Variants in MAEL observed in about 807,000 individuals in gnomAD.
MAEL encodes the protein maelstrom spermatogenic transposon silencer.
In MAEL, 46 loss-of-function variants were observed where a neutral mutation model predicts 62.0. The ratio of observed to expected loss-of-function variants is 0.74; its 90% confidence interval spans 0.59 to 0.95. The LOEUF (loss-of-function observed/expected upper bound fraction) is 0.95. Ranked by LOEUF, MAEL falls within the 40% of genes least tolerant of loss-of-function variation. The probability of loss-of-function intolerance (pLI) is 0.00; values close to 1 mark genes in which losing one functional copy is unlikely to be tolerated. For missense variants in MAEL, 497 were observed against 526.8 expected, an observed-to-expected ratio of 0.94 and a Z score of 0.55; for synonymous variants, 172 against 175.5, an observed-to-expected ratio of 0.98 and a Z score of 0.16.
rs140882018 is a variant in MAEL, at chr1:166,994,731, G to A, written c.523+662G>A. 6.3e-3 allele frequency among the ~76,000 whole-genome samples: 936 copies of A among 147,898 alleles called. 12 individuals carry two copies. The highest frequency in any genetic ancestry group is 0.022 in the African/African-American group (889 of 39,880). ...TGTCACCAGGCTGGAGTGGAGGGGC[G>A]TGATCTTGGCTCACTGCAATCTCTG... is the stretch of plus-strand genomic sequence containing the variant. On this transcript the variant is annotated intron_variant, in intron 5 of 11. Transcript: ENST00000367872.
chr1:167,006,580 T>C (rs1413685241), intron 8 of MAEL, among the ~76,000 whole-genome samples: 2 of 142,044 alleles, frequency 1.4e-5, no homozygotes, highest in Admixed American at 1.4e-4. Flanking sequence ...ATTTCTCTAT[T>C]GGAAAGTTAC....
upstream of MAEL, among the ~76,000 whole-genome samples, chr1:166,988,556 T>C (rs1664005505): frequency 6.6e-6 from 1 of 152,004 alleles, no homozygotes; most frequent in African/African-American, 2.4e-5. Flanking sequence ...ACTAGCACGA[T>C]GTAAACTAGT....
At chr1:167,017,770 ATACTTT>A (rs1665456088) in intron 9 of MAEL, 51 bp from the exon 10 acceptor site, 1 of 1,498,874 alleles carries the variant, frequency 6.7e-7, no homozygotes, top group Non-Finnish European at 9.1e-7. Context: ...TAAAATACAA[ATACTTT>A]TAGTTGAATT....
Position 167,021,679 on chromosome 1 carries a change from T to A in MAEL, c.1129T>A (p.Ser377Thr). 6.2e-7 allele frequency: 1 copy of A among 1,605,284 alleles called. No individual in the cohort carries two copies. The change falls in exon 12 of 12, where the codon TCT becomes ACT. Residue 377 changes from serine (S) to threonine (T), a missense_variant. Coordinates refer to ENST00000367872, the MANE Select transcript of MAEL (RefSeq NM_032858.3). ...TTTCAATATCCTAGGTGACTACCCA[T>A]CTAGGGCAAAAATTTCTGGCCAAAA... ...RSNTPIGDYP[S>T]RAKISGQNSS...
intron 9 of MAEL, 121 bp downstream of exon 9, chr1:167,016,405 CAAAG>C: frequency 1.2e-6 from 1 of 823,800 alleles, no homozygotes; most frequent in Non-Finnish European, 2.0e-6. Context: ...TCTTTCAAAA[CAAAG>C]GGGGTCAAAT....
intron 5 of MAEL, among the ~76,000 whole-genome samples, chr1:166,994,408 T>C (rs1021444852): frequency 5.9e-5 from 9 of 152,188 alleles, no homozygotes; most frequent in African/African-American, 9.7e-5. Flanking sequence ...CCATTTCAAT[T>C]GTGTTTTATA....
At chr1:166,990,542 C>G (rs2102068821) in intron 2 of MAEL, 1 of 152,108 alleles carries the variant, frequency 6.6e-6, no homozygotes, top group South Asian at 2.1e-4. Flanking sequence ...GCCCGTGGTC[C>G]CAGCTACTCA....
At chr1:166,981,869 A>G (rs1663769231) in intron 1 of MAEL, among the ~76,000 whole-genome samples, 1 of 152,218 alleles carries the variant, frequency 6.6e-6, no homozygotes, top group South Asian at 2.1e-4. Context: ...CCGGCAATGT[A>G]CCATCCATGA....
chr1:166,981,232 G>A (rs1663750482), intron 1 of MAEL, among the ~76,000 whole-genome samples: 1 of 152,152 alleles, frequency 6.6e-6, no homozygotes, highest in South Asian at 2.1e-4. Flanking sequence ...ATTCTGAGTA[G>A]GTGCCTTTTA....
At chr1:167,007,358 A>G (rs574366341) in intron 8 of MAEL, among the ~76,000 whole-genome samples, 31 of 151,934 alleles carry the variant, frequency 2.0e-4, no homozygotes, top group Non-Finnish European at 3.4e-4. Context: ...TTTGCTTTCT[A>G]TTTGGCACAA....
chr1:167,021,609 T>G, intron 11 of MAEL, 59 bp from the exon 12 acceptor site: 2 of 1,192,220 alleles, frequency 1.7e-6, no homozygotes, highest in Non-Finnish European at 2.4e-6. Flanking sequence ...TTGAGGCATC[T>G]CTTTGTAATA....
At chr1:167,015,238 A>G (rs1665339519) in intron 8 of MAEL, among the ~76,000 whole-genome samples, 1 of 152,154 alleles carries the variant, frequency 6.6e-6, no homozygotes, top group Non-Finnish European at 1.5e-5. Flanking sequence ...GGTACATAGT[A>G]TGTTTATATA....
At chr1:167,019,098 G>A (rs761735521) in intron 10 of MAEL, among the ~76,000 whole-genome samples, 3 of 152,052 alleles carry the variant, frequency 2.0e-5, no homozygotes, top group Non-Finnish European at 4.4e-5. Flanking sequence ...AGTGGTTCTC[G>A]ACTCCATTTG....
At chr1:166,998,069 C>A (rs1235049546) in intron 5 of MAEL, among the ~76,000 whole-genome samples, 3 of 152,130 alleles carry the variant, frequency 2.0e-5, no homozygotes, top group Non-Finnish European at 4.4e-5. Flanking sequence ...CTGTCAATAT[C>A]ATATTCTTAA....
chr1:167,005,171 T>C, intron 7 of MAEL, 41 bp downstream of exon 7: 3 of 1,611,740 alleles, frequency 1.9e-6, no homozygotes, highest in Non-Finnish European at 2.5e-6. Context: ...GCTTTATAGT[T>C]AATATCTGTA....
intron 8 of MAEL, among the ~76,000 whole-genome samples, chr1:167,014,987 T>C (rs1192080148): frequency 6.6e-6 from 1 of 152,048 alleles, no homozygotes; most frequent in East Asian, 1.9e-4. Context: ...TCGCGCCTCA[T>C]AGCTAAATAT....
chr1:166,992,326 C>A (rs1664214289), intron 3 of MAEL, among the ~76,000 whole-genome samples: 1 of 152,144 alleles, frequency 6.6e-6, no homozygotes, highest in South Asian at 2.1e-4. Flanking sequence ...TACATTGATT[C>A]TGCTCAGCTT....
At position 166,989,784 on chromosome 1, in the gene MAEL, A is replaced by G. The variant is rs771486840; in HGVS notation, c.180A>G (p.Glu60=). 3 of 1,614,038 alleles carry G rather than the reference A, an allele frequency of 1.9e-6. No homozygotes were observed. The highest frequency in any genetic ancestry group is 2.2e-5 in the East Asian group (1 of 44,870). Residue 60 remains glutamate (E), a synonymous_variant, in exon 2 of 12, where the codon GAA becomes GAG. Transcript: ENST00000367872. The part of the protein sequence containing the change: ...EKEKYAEMAR[E]WRAAQGKDPG... ...AGAAATACGCAGAAATGGCTCGAGAATGGAGGGCCGCTCAGGGAAAGGACC... is the reference window on the plus strand; with the variant it reads ...AGAAATACGCAGAAATGGCTCGAGAGTGGAGGGCCGCTCAGGGAAAGGACC...
At chr1:166,980,584 G>A (rs529108668) in intron 1 of MAEL, among the ~76,000 whole-genome samples, 1 of 152,290 alleles carries the variant, frequency 6.6e-6, no homozygotes, top group African/African-American at 2.4e-5. Context: ...ATTATGAGCA[G>A]TTGAGCCCTG....
Sources: gnomAD v4.1 joint callset for allele counts (sites outside exome capture counted in the v4.1 genomes callset) on GRCh38, gnomAD v4.1.1 for gene constraint, MANE v1.5 for transcripts, NCBI Gene and HGNC (gene_info 2026-07-23, HGNC 2026-07-21) for gene names.